Variants in DCTN4 observed in about 807,000 individuals in gnomAD.
DCTN4 encodes the protein dynactin 4 (p62).
In DCTN4, 23 loss-of-function variants were observed where a neutral mutation model predicts 62.7. That is an observed-to-expected ratio of 0.37 (90% CI 0.26 to 0.52). DCTN4 has a LOEUF of 0.52. Ranked by LOEUF, DCTN4 falls within the 20% of genes least tolerant of loss-of-function variation. The pLI is 0.92. For missense variants in DCTN4, 514 were observed against 580.4 expected (o/e 0.89, Z 1.18); for synonymous variants, 199 against 202.1 (o/e 0.98, Z 0.13).
intron 9 of DCTN4, 74 bp downstream of exon 9, chr5:150,722,833 T>C: frequency 1.8e-6 from 2 of 1,139,240 alleles, no homozygotes; most frequent in Admixed American, 2.3e-5. Context: ...GTAAACACAC[T>C]TCATACTGGG....
At chr5:150,717,537 C>T (rs183018641) in intron 11 of DCTN4, among the ~76,000 whole-genome samples, 9 of 152,294 alleles carry the variant, frequency 5.9e-5, no homozygotes, top group Admixed American at 2.6e-4. Context: ...CGTGAGCCAC[C>T]AAGCCCAGAC....
At chr5:150,726,877 G>C (rs1371016356) in intron 8 of DCTN4, among the ~76,000 whole-genome samples, 1 of 152,116 alleles carries the variant, frequency 6.6e-6, no homozygotes, top group African/African-American at 2.4e-5. Context: ...AATTGCTAAG[G>C]TACGGTATGT....
intron 3 of DCTN4, among the ~76,000 whole-genome samples, chr5:150,745,720 A>G (rs1405611110): frequency 2.0e-5 from 3 of 152,244 alleles, no homozygotes; most frequent in African/African-American, 7.2e-5. Context: ...GAAGGCAGAA[A>G]TAAAGATGTT....
In DCTN4 at chr5:150,733,411, T is replaced by G; in HGVS notation, c.494A>C (p.Lys165Thr). The change falls in exon 5 of 13, where the codon AAG (lysine) becomes ACG (threonine). Residue 165 changes from lysine to threonine, a missense_variant. Transcript: ENST00000447998. ...ATAGTTTCTACGTCGTGCCAGTTTCTTGCGATCTCGCTCAACCTTCTCTTT... is the reference window on the plus strand; with the variant it reads ...ATAGTTTCTACGTCGTGCCAGTTTCGTGCGATCTCGCTCAACCTTCTCTTT... ...AQKEKVERDR[K>T]KLARRRNYMP... 1 of 1,614,158 alleles carries G rather than the reference T, an allele frequency of 6.2e-7. No individual in the cohort carries two copies. Among genetic ancestry groups the G allele is most frequent in the Non-Finnish European group, 8.5e-7 (1 of 1,180,008 alleles).
chr5:150,730,111 C>T (rs1033539132), intron 8 of DCTN4, among the ~76,000 whole-genome samples: 1 of 152,210 alleles, frequency 6.6e-6, no homozygotes, highest in African/African-American at 2.4e-5. Context: ...TAGTGGCTAT[C>T]ATGCGGGACT....
intron 3 of DCTN4, among the ~76,000 whole-genome samples, chr5:150,747,257 G>A (rs1192947719): frequency 6.6e-6 from 1 of 152,188 alleles, no homozygotes; most frequent in Non-Finnish European, 1.5e-5. Flanking sequence ...TCTTCGAGGA[G>A]AACTACAAAC....
intron 9 of DCTN4, among the ~76,000 whole-genome samples, chr5:150,722,085 C>T (rs75988136): frequency 0.051 from 7,740 of 152,200 alleles, 661 homozygotes; most frequent in African/African-American, 0.18. Flanking sequence ...CTCAGGCTTC[C>T]GAAGTGCTGG....
intron 2 of DCTN4, among the ~76,000 whole-genome samples, chr5:150,755,739 T>C (rs1245560212): frequency 1.3e-5 from 2 of 152,136 alleles, no homozygotes; most frequent in African/African-American, 4.8e-5. Context: ...TAATGTGATA[T>C]CCTGAAAAGA....
intron 4 of DCTN4, among the ~76,000 whole-genome samples, chr5:150,735,236 TA>T (rs774827731): frequency 4.6e-5 from 7 of 151,938 alleles, no homozygotes; most frequent in Admixed American, 1.3e-4. Flanking sequence ...TAGCAACTCA[TA>T]AAAGAACAAC....
chr5:150,729,323 C>CTT (rs1760272889), intron 8 of DCTN4, among the ~76,000 whole-genome samples: 1 of 151,808 alleles, frequency 6.6e-6, no homozygotes, highest in Admixed American at 6.6e-5. Context: ...TACCCATCAC[C>CTT]CAACTTCAAC....
chr5:150,745,024 G>C lies in DCTN4; in HGVS notation c.386-2867C>G, dbSNP rs1760908916. Among the ~76,000 whole-genome samples the C allele has an allele frequency of 2.7e-5, 4 of 150,746 alleles. No individual in the cohort carries two copies. In the South Asian group the frequency reaches 8.5e-4, roughly 32 times the overall value. On this transcript the variant is annotated intron_variant, in intron 3 of 12. Transcript: ENST00000447998. The stretch of plus-strand genomic sequence containing the variant: ...TTGGATAAAGAGTCAAGACCCATCA[G>C]TGTGCTGTATTCAGGAAACCCATCT...
chr5:150,740,515 A>T (rs917703700), intron 4 of DCTN4, among the ~76,000 whole-genome samples: 1 of 152,244 alleles, frequency 6.6e-6, no homozygotes, highest in African/African-American at 2.4e-5. Flanking sequence ...AACTAAAAGT[A>T]GATCTACCGT....
At chr5:150,745,504 C>T (rs570987336) in intron 3 of DCTN4, among the ~76,000 whole-genome samples, 2 of 152,294 alleles carry the variant, frequency 1.3e-5, no homozygotes, top group African/African-American at 4.8e-5. Context: ...TTCAGCACCA[C>T]ACCACACCCA....
At chr5:150,723,683 T>TA (rs1417199745) in intron 8 of DCTN4, among the ~76,000 whole-genome samples, 1 of 152,214 alleles carries the variant, frequency 6.6e-6, no homozygotes, top group African/African-American at 2.4e-5. Flanking sequence ...TATACCTGGT[T>TA]AAAAATTTTT....
chr5:150,741,501 G>GAC (rs763540447), intron 4 of DCTN4, among the ~76,000 whole-genome samples: 30 of 150,516 alleles, frequency 2.0e-4, no homozygotes, highest in Non-Finnish European at 3.0e-4. Flanking sequence ...CTTTTTTTGA[G>GAC]ACACAGCCTT....
rs1581556660 is a variant in DCTN4, at chr5:150,710,923, T to C, written c.*226A>G. The C allele has an allele frequency of 1.3e-5, 7 of 551,090 alleles. No individual in the cohort carries two copies. In the East Asian group the frequency reaches 2.1e-4, roughly 17 times the overall value. The allele number at this position is 551,090 out of a possible 1,614,324, so 34.1% of individuals were successfully genotyped here. On this transcript the variant is annotated 3_prime_UTR_variant, in exon 13 of 13. Transcript: ENST00000447998. ...CTGTTACTCAACGTGCAGGGTTCAG[T>C]GAGGGAGACACAGACTTACTGGTGT...
chr5:150,726,993 C>G (rs1760167883), intron 8 of DCTN4, among the ~76,000 whole-genome samples: 1 of 152,094 alleles, frequency 6.6e-6, no homozygotes, highest in Non-Finnish European at 1.5e-5. Context: ...GATGTCTTGA[C>G]CTGAAGCACA....
At chr5:150,751,917 TA>T (rs1223011505) in intron 3 of DCTN4, among the ~76,000 whole-genome samples, 1 of 152,180 alleles carries the variant, frequency 6.6e-6, no homozygotes, top group Non-Finnish European at 1.5e-5. Flanking sequence ...CCAAATTGTG[TA>T]AGAATCTATA....
chr5:150,713,732 C>T (rs188713657), intron 12 of DCTN4, among the ~76,000 whole-genome samples: 293 of 152,094 alleles, frequency 1.9e-3, no homozygotes, highest in African/African-American at 6.3e-3. Flanking sequence ...GCATCAGCCA[C>T]CACACCTGGC....
Sources: allele counts gnomAD v4.1 joint callset (sites outside exome capture counted in the v4.1 genomes callset), GRCh38; gene constraint gnomAD v4.1.1; transcripts MANE v1.5; gene names NCBI Gene and HGNC (gene_info 2026-07-23, HGNC 2026-07-21).